Variants in SKAP1 observed in about 807,000 individuals in gnomAD.
SKAP1 encodes src kinase-associated phosphoprotein 1.
In SKAP1, 44 loss-of-function variants were observed where a neutral mutation model predicts 58.5. The observed-to-expected ratio is 0.75, with a 90% CI of 0.59 to 0.97. The LOEUF (loss-of-function observed/expected upper bound fraction) is 0.97, where lower values mean the gene tolerates loss of function less well. Ranked by LOEUF, SKAP1 falls within the 50% of genes least tolerant of loss-of-function variation. The probability of loss-of-function intolerance (pLI) is 0.00; values close to 1 mark genes in which losing one functional copy is unlikely to be tolerated. For missense variants in SKAP1, 390 were observed against 435.2 expected, an observed-to-expected ratio of 0.90 and a Z score of 0.92; for synonymous variants, 127 against 149.7, an observed-to-expected ratio of 0.85 and a Z score of 1.11.
intron 4 of SKAP1, among the ~76,000 whole-genome samples, chr17:48,273,972 T>A (rs910725530): frequency 6.6e-6 from 1 of 152,124 alleles, no homozygotes; most frequent in African/African-American, 2.4e-5. Context: ...CAGGCTGGAG[T>A]GCAGTGGTAC....
At chr17:48,411,709 C>G (rs935624741) in intron 1 of SKAP1, among the ~76,000 whole-genome samples, 1 of 152,154 alleles carries the variant, frequency 6.6e-6, no homozygotes, top group Non-Finnish European at 1.5e-5. Context: ...GAAAATAGCA[C>G]TTTTCCTCTG....
Position 48,251,167 on chromosome 17 carries a change from A to T in SKAP1, c.281-61667T>A, listed in dbSNP as rs1315444338. ...AAATGCTGGGTGTAAATTGTTGTTT[A>T]TGTTGGATCCTGACTGTCTTTACGA... On this transcript the variant is annotated intron_variant, in intron 4 of 12. Coordinates refer to ENST00000336915, the MANE Select transcript of SKAP1 (RefSeq NM_003726.4). 2.0e-5 allele frequency among the ~76,000 whole-genome samples: 3 copies of T among 152,244 alleles called. No homozygotes were observed. In the East Asian group the frequency reaches 5.8e-4, roughly 29 times the overall value.
chr17:48,268,524 C>T (rs1393050010), intron 4 of SKAP1, among the ~76,000 whole-genome samples: 73 of 151,880 alleles, frequency 4.8e-4, no homozygotes, highest in Non-Finnish European at 1.5e-5. Flanking sequence ...GACAGTCTCA[C>T]TCTGTTGCAC....
intron 3 of SKAP1, among the ~76,000 whole-genome samples, chr17:48,356,881 G>A (rs940911551): frequency 3.3e-5 from 5 of 151,882 alleles, no homozygotes; most frequent in Non-Finnish European, 7.4e-5. Context: ...ATAAAAACAC[G>A]TGTGCTTGTG....
Position 48,299,023 on chromosome 17 carries a change from G to A in SKAP1, c.280+46882C>T, listed in dbSNP as rs117411768. Among the ~76,000 whole-genome samples, 644 of 152,256 alleles carry A rather than the reference G, an allele frequency of 4.2e-3. 5 individuals are homozygous for A. The highest frequency in any genetic ancestry group is 0.01 in the Middle Eastern group (3 of 294). ...GAGAATATCAGGGACATTGCATAAG[G>A]AACATTCGTATTTATAATTTATAAA... On this transcript the variant is annotated intron_variant, in intron 4 of 12. Transcript: ENST00000336915.
chr17:48,296,176 T>C (rs1207148392), intron 4 of SKAP1, among the ~76,000 whole-genome samples: 2 of 152,032 alleles, frequency 1.3e-5, no homozygotes, highest in Non-Finnish European at 2.9e-5. Context: ...GTTCCCACTT[T>C]AATAAACATT....
At chr17:48,162,893 C>T (rs1354209067) in intron 10 of SKAP1, among the ~76,000 whole-genome samples, 1 of 152,186 alleles carries the variant, frequency 6.6e-6, no homozygotes, top group Non-Finnish European at 1.5e-5. Context: ...CAGAGGTTTC[C>T]CGCCAGACTT....
intron 2 of SKAP1, among the ~76,000 whole-genome samples, chr17:48,383,713 CCTT>C (rs2067244591): frequency 8.5e-6 from 1 of 118,188 alleles, no homozygotes; most frequent in African/African-American, 3.3e-5. Context: ...AAATCTCTGC[CCTT>C]TTTTTTTTTT....
At chr17:48,401,819 C>T (rs77003509) in intron 1 of SKAP1, among the ~76,000 whole-genome samples, 2 of 151,842 alleles carry the variant, frequency 1.3e-5, no homozygotes, top group African/African-American at 2.4e-5. Flanking sequence ...AGAAGGCCAA[C>T]AAGAAAGCAA....
chr17:48,346,083 C>A (rs1598596599), intron 3 of SKAP1, 77 bp from the exon 4 acceptor site: 2 of 798,502 alleles, frequency 2.5e-6, no homozygotes, highest in East Asian at 2.8e-5. Flanking sequence ...ATAAAAGGAT[C>A]TATGTATGAT....
chr17:48,229,828 T>C (rs2065108458), intron 4 of SKAP1, among the ~76,000 whole-genome samples: 1 of 152,162 alleles, frequency 6.6e-6, no homozygotes, highest in Non-Finnish European at 1.5e-5. Flanking sequence ...TAATGAAATC[T>C]AATAGCAACT....
chr17:48,443,745 G>C, the SKAP1 span, among the ~76,000 whole-genome samples: 7,166 of 152,022 alleles, frequency 0.047, 329 homozygotes, highest in South Asian at 0.26. Flanking sequence ...CAAAATGTTG[G>C]GATTACAGGC....
Position 48,250,272 on chromosome 17 carries a change from G to GTTTTTTT in SKAP1, c.281-60779_281-60773dup, listed in dbSNP as rs755523173. 1.4e-4 allele frequency among the ~76,000 whole-genome samples: 10 copies of GTTTTTTT among 74,052 alleles called. 1 individual carries two copies. Among genetic ancestry groups the GTTTTTTT allele is most frequent in the African/African-American group, 4.8e-4 (9 of 18,644 alleles). 48.6% of individuals were successfully genotyped at this position (74,052 alleles called of 152,430 possible). A position where few individuals can be genotyped will look rare whatever the true frequency, so the allele number is the denominator to read the frequency against. ...TACATATATTTTGCTGCCATAGACA[G>GTTTTTTT]TTTTTTTTTTTTTTTTTTTTTTTTT... On this transcript the variant is annotated intron_variant, in intron 4 of 12. Coordinates refer to ENST00000336915, the MANE Select transcript of SKAP1 (RefSeq NM_003726.4).
At chr17:48,184,606 T>C (rs1258787847) in intron 7 of SKAP1, 117 bp downstream of exon 7, 1 of 1,308,816 alleles carries the variant, frequency 7.6e-7, no homozygotes, top group Non-Finnish European at 1.1e-6. Flanking sequence ...TTCGTTGGCA[T>C]GAAATGAGCA....
At chr17:48,342,333 G>C (rs1352223283) in intron 4 of SKAP1, among the ~76,000 whole-genome samples, 2 of 152,148 alleles carry the variant, frequency 1.3e-5, no homozygotes, top group African/African-American at 4.8e-5. Flanking sequence ...ATTGTAATTA[G>C]GTAGCAACAG....
At chr17:48,432,376 C>T (rs944455331), upstream of SKAP1, among the ~76,000 whole-genome samples, 1 of 151,928 alleles carries the variant, frequency 6.6e-6, no homozygotes, top group African/African-American at 2.4e-5. Context: ...TTGCAGTGAG[C>T]CGAGATCAGG....
At chr17:48,179,939 T>C in intron 9 of SKAP1, 115 bp downstream of exon 9, 1 of 950,722 alleles carries the variant, frequency 1.1e-6, no homozygotes, top group Non-Finnish European at 1.6e-6. Context: ...ATTATCTCCT[T>C]CAGAGGATGA....
rs537564979 is a variant in SKAP1 at position 48,430,192 on chromosome 17, C to G, written c.-72G>C. ...GAGGCGGACGGGCTGGAAGGCGACC[C>G]GGCTGCACCGCGAGGCACCTGTACC... On this transcript the variant is annotated 5_prime_UTR_variant, in exon 1 of 13. Coordinates refer to ENST00000336915, the MANE Select transcript of SKAP1 (RefSeq NM_003726.4). The G allele has an allele frequency of 9.1e-7, 1 of 1,101,680 alleles. No individual in the cohort carries two copies. 68.2% of individuals were successfully genotyped at this position (1,101,680 alleles called of 1,614,324 possible).
At chr17:48,322,866 C>T (rs2066387113) in intron 4 of SKAP1, among the ~76,000 whole-genome samples, 1 of 152,264 alleles carries the variant, frequency 6.6e-6, no homozygotes, top group African/African-American at 2.4e-5. Context: ...GAGGCCAAGG[C>T]GAGCAGATCA....
Sources: allele counts gnomAD v4.1 joint callset (sites outside exome capture counted in the v4.1 genomes callset), GRCh38; gene constraint gnomAD v4.1.1; transcripts MANE v1.5; gene names NCBI Gene and HGNC (gene_info 2026-07-23, HGNC 2026-07-21).